RBFOX1: variants seen among roughly 807,000 people sequenced by gnomAD.
RBFOX1 encodes the protein RNA binding fox-1 homolog 1, also known as RNA binding protein fox-1 homolog 1.
Under a neutral mutation model 57.7 loss-of-function variants are expected in RBFOX1, and 8 were observed. The ratio of observed to expected loss-of-function variants is 0.14; its 90% CI spans 0.08 to 0.25. RBFOX1 has a LOEUF of 0.25. RBFOX1 is among the 10% of genes least tolerant of loss of function. RBFOX1 has a pLI of 1.00. For missense variants in RBFOX1, 611 were observed against 548.5 expected (o/e 1.11, Z -1.14); for synonymous variants, 326 against 222.4 (o/e 1.47, Z -4.15).
At chr16:6,943,871 T>G (rs905505935) in intron 3 of RBFOX1, among the ~76,000 whole-genome samples, 3 of 152,204 alleles carry the variant, frequency 2.0e-5, no homozygotes, top group Non-Finnish European at 4.4e-5. Context: ...TGTACCTCAC[T>G]GCTGATTTCT....
intron 3 of RBFOX1, among the ~76,000 whole-genome samples, chr16:5,717,256 G>T (rs553954290): frequency 2.0e-4 from 30 of 152,020 alleles, no homozygotes; most frequent in African/African-American, 6.5e-4. Flanking sequence ...ATACAGCCTC[G>T]TTGTTTCCTG....
intron 4 of RBFOX1, among the ~76,000 whole-genome samples, chr16:7,357,534 C>T (rs2097240741): frequency 6.6e-6 from 1 of 152,168 alleles, no homozygotes; most frequent in East Asian, 1.9e-4. Flanking sequence ...CCAACCACCT[C>T]CACCTCTTTT....
At chr16:7,332,707 A>G (rs2096714420) in intron 4 of RBFOX1, 3 of 1,020,196 alleles carry the variant, frequency 2.9e-6, no homozygotes, top group Non-Finnish European at 3.8e-6. Flanking sequence ...ATTAATGAAG[A>G]GTATTTGGTT....
intron 1 of RBFOX1, among the ~76,000 whole-genome samples, chr16:5,356,948 G>A (rs906837055): frequency 4.6e-5 from 7 of 152,160 alleles, no homozygotes; most frequent in Admixed American, 2.6e-4. Flanking sequence ...ACATCGTTTC[G>A]TTGAAGCCTC....
chr16:6,090,953 G>A (rs2096163116), intron 1 of RBFOX1, among the ~76,000 whole-genome samples: 1 of 152,182 alleles, frequency 6.6e-6, no homozygotes, highest in African/African-American at 2.4e-5. Flanking sequence ...CATATGTATG[G>A]GAAGCATGTG....
chr16:5,794,890 C>T (rs1278870944), intron 3 of RBFOX1, among the ~76,000 whole-genome samples: 2 of 152,136 alleles, frequency 1.3e-5, no homozygotes, highest in African/African-American at 2.4e-5. Context: ...AAGATGGAAG[C>T]TACCCCATCA....
chr16:6,572,148 T>C (rs1399267528), intron 2 of RBFOX1, among the ~76,000 whole-genome samples: 1 of 152,236 alleles, frequency 6.6e-6, no homozygotes, highest in East Asian at 1.9e-4. Context: ...CATCTCATTC[T>C]TTTTAAAACG....
chr16:6,052,548 GC>G (rs1443351229), intron 1 of RBFOX1, among the ~76,000 whole-genome samples: 5 of 152,078 alleles, frequency 3.3e-5, no homozygotes, highest in African/African-American at 1.2e-4. Flanking sequence ...ACTTTGGGAG[GC>G]CGAGGCGGGC....
chr16:6,009,506 C>G (rs1053263478), intron 4 of RBFOX1, among the ~76,000 whole-genome samples: 2 of 152,156 alleles, frequency 1.3e-5, no homozygotes, highest in African/African-American at 2.4e-5. Context: ...TGAGTGTTCC[C>G]ATGGGTTCCC....
chr16:6,311,504 T>C (rs2080310373), intron 1 of RBFOX1, among the ~76,000 whole-genome samples: 1 of 152,132 alleles, frequency 6.6e-6, no homozygotes, highest in Non-Finnish European at 1.5e-5. Flanking sequence ...GGATATTCCA[T>C]GCTGTCCTCA....
intron 2 of RBFOX1, among the ~76,000 whole-genome samples, chr16:5,545,873 G>C (rs1473857258): frequency 6.6e-6 from 1 of 151,992 alleles, no homozygotes; most frequent in Non-Finnish European, 1.5e-5. Flanking sequence ...GAAAGTAAAG[G>C]ATAAAATAGA....
At chr16:7,628,769 C>T (rs150962081) in intron 10 of RBFOX1, among the ~76,000 whole-genome samples, 1,909 of 152,178 alleles carry the variant, frequency 0.013, 16 homozygotes, top group Non-Finnish European at 0.019. Flanking sequence ...CCTGCCACCA[C>T]ACCCAGCTAA....
At chr16:7,176,022 G>C (rs549082986) in intron 4 of RBFOX1, among the ~76,000 whole-genome samples, 5 of 152,066 alleles carry the variant, frequency 3.3e-5, no homozygotes, top group African/African-American at 1.2e-4. Flanking sequence ...GTGAGTGTCA[G>C]TTCATTTTGA....
chr16:6,598,657 G>A (rs919589396), intron 2 of RBFOX1, among the ~76,000 whole-genome samples: 6 of 152,144 alleles, frequency 3.9e-5, no homozygotes, highest in African/African-American at 7.2e-5. Context: ...TTAAGAATAC[G>A]TAGTGGCTGG....
At chr16:6,969,264 G>A (rs1165197830) in intron 3 of RBFOX1, among the ~76,000 whole-genome samples, 1 of 152,130 alleles carries the variant, frequency 6.6e-6, no homozygotes, top group Non-Finnish European at 1.5e-5. Context: ...GGAGATTATG[G>A]ATTTTAAAAA....
intron 2 of RBFOX1, among the ~76,000 whole-genome samples, chr16:6,563,277 A>T (rs2097208970): frequency 6.6e-6 from 1 of 152,168 alleles, no homozygotes; most frequent in African/African-American, 2.4e-5. Flanking sequence ...TTGTCTGTTG[A>T]CATTATTCTT....
At position 6,873,212 on chromosome 16, in the gene RBFOX1, C is replaced by G. The variant is rs1008536705; in HGVS notation, c.-15-178845C>G. On this transcript the variant is annotated intron_variant, in intron 3 of 15. Coordinates refer to ENST00000550418, the MANE Select transcript of RBFOX1 (RefSeq NM_018723.4). ...AAACGAGGAGTAGAGATTTTTGCCT[C>G]CTTTTTCATTTATGTAAATAAACGT... is the stretch of plus-strand genomic sequence containing the variant. 3.3e-5 allele frequency among the ~76,000 whole-genome samples: 5 copies of G among 151,280 alleles called. 1 individual carries two copies. Among genetic ancestry groups the G allele is most frequent in the Middle Eastern group, 7.1e-3 (2 of 282 alleles).
intron 2 of RBFOX1, among the ~76,000 whole-genome samples, chr16:6,634,347 C>T (rs1477601836): frequency 6.6e-6 from 1 of 152,000 alleles, no homozygotes; most frequent in Non-Finnish European, 1.5e-5. Context: ...GTCCCAGATC[C>T]AACAACTGTC....
intron 4 of RBFOX1, among the ~76,000 whole-genome samples, chr16:5,868,987 A>T (rs990093181): frequency 3.3e-5 from 5 of 152,166 alleles, no homozygotes; most frequent in Admixed American, 6.5e-5. Context: ...AAATTTTGTG[A>T]TGTATAGGCT....
Sources: gnomAD v4.1 joint callset for allele counts (sites outside exome capture counted in the v4.1 genomes callset) on GRCh38, gnomAD v4.1.1 for gene constraint, MANE v1.5 for transcripts, NCBI Gene and HGNC (gene_info 2026-07-23, HGNC 2026-07-21) for gene names.